The following SLAMF6 variants were observed in gnomAD, a reference collection of about 807,000 sequenced individuals.
The protein encoded by SLAMF6 is NK-T-B-antigen.
In SLAMF6, 21 loss-of-function variants were observed where a neutral mutation model predicts 38.3. The ratio of observed to expected loss-of-function variants is 0.55; its 90% CI spans 0.39 to 0.79. The LOEUF is 0.79. SLAMF6 is among the 30% of genes least tolerant of loss of function. The pLI is 0.00. For synonymous variants in SLAMF6, 152 were observed against 146.3 expected (o/e 1.04, Z -0.28); for missense variants, 341 against 385.3 (o/e 0.89, Z 0.96).
rs758643681 is a variant in SLAMF6 at position 160,523,178 on chromosome 1, G to C, written c.15C>G (p.Phe5Leu). The C allele has an allele frequency of 1.9e-6, 3 of 1,613,792 alleles. No individual in the cohort carries two copies. The highest frequency in any genetic ancestry group is 1.7e-5 in the Admixed American group (1 of 59,954). Residue 5 changes from phenylalanine (F) to leucine (L), a missense_variant, in exon 1 of 8, where the codon TTC becomes TTG. By Grantham distance (22) the Phe-to-Leu change is conservative. Coordinates refer to ENST00000368057, the MANE Select transcript of SLAMF6 (RefSeq NM_001184714.2). The part of the protein sequence containing the change: MLWL[F>L]QSLLFVFCFG... The stretch of plus-strand genomic sequence containing the variant: ...AGCAGAAGACAAACAGGAGCGATTG[G>C]AACAGCCACAACATGCTTTCCGCGG...
chr1:160,516,806 T>A (rs1571316921), intron 1 of SLAMF6, among the ~76,000 whole-genome samples: 1 of 152,174 alleles, frequency 6.6e-6, no homozygotes, highest in South Asian at 2.1e-4. Flanking sequence ...TGGCTATCCA[T>A]ATGCAGAAAA....
intron 1 of SLAMF6, among the ~76,000 whole-genome samples, chr1:160,496,991 A>G (rs904870134): frequency 6.6e-6 from 1 of 152,224 alleles, no homozygotes; most frequent in African/African-American, 2.4e-5. Context: ...ACTGAGCTAC[A>G]GAAAAGTTAA....
chr1:160,510,365 C>T (rs1654410300), intron 1 of SLAMF6, among the ~76,000 whole-genome samples: 1 of 151,898 alleles, frequency 6.6e-6, no homozygotes, highest in Non-Finnish European at 1.5e-5. Context: ...AAACTGAATC[C>T]AGCTCATATT....
Position 160,523,202 on chromosome 1 carries a change from G to T in SLAMF6, c.-10C>A, listed in dbSNP as rs753321327. 1 of 1,612,656 alleles carries T rather than the reference G, an allele frequency of 6.2e-7. No individual in the cohort carries two copies. Among genetic ancestry groups the T allele is most frequent in the African/African-American group, 1.3e-5 (1 of 74,806 alleles). ...GGAACAGCCACAACATGCTTTCCGCGGTGAAGACTGGTGCTTGAGACCTTG... is the reference window on the plus strand; with the variant it reads ...GGAACAGCCACAACATGCTTTCCGCTGTGAAGACTGGTGCTTGAGACCTTG... On this transcript the variant is annotated 5_prime_UTR_variant, in exon 1 of 8. Coordinates refer to ENST00000368057, the MANE Select transcript of SLAMF6 (RefSeq NM_001184714.2).
At chr1:160,507,136 A>G (rs1247991680) in intron 1 of SLAMF6, among the ~76,000 whole-genome samples, 1 of 152,148 alleles carries the variant, frequency 6.6e-6, no homozygotes, top group East Asian at 1.9e-4. Context: ...ACTATTTTCT[A>G]CATACAGAGA....
chr1:160,499,372 G>A (rs1461340799), intron 1 of SLAMF6, among the ~76,000 whole-genome samples: 2 of 151,972 alleles, frequency 1.3e-5, no homozygotes, highest in East Asian at 1.9e-4. Context: ...TGGTTGTAAG[G>A]GTGTGGCTTT....
intron 1 of SLAMF6, among the ~76,000 whole-genome samples, chr1:160,516,422 T>C (rs767110993): frequency 1.5e-4 from 23 of 152,196 alleles, no homozygotes; most frequent in Non-Finnish European, 3.1e-4. Flanking sequence ...AAAATGACCA[T>C]ACTGCCCGAA....
intron 1 of SLAMF6, among the ~76,000 whole-genome samples, chr1:160,518,807 TA>T (rs1230163672): frequency 6.6e-6 from 1 of 152,080 alleles, no homozygotes; most frequent in Non-Finnish European, 1.5e-5. Flanking sequence ...GAAAAATAGC[TA>T]ATGTATGCAG....
Position 160,496,099 on chromosome 1 carries a change from G to T in SLAMF6, c.344C>A (p.Thr115Asn). 1 of 1,613,896 alleles carries T rather than the reference G, an allele frequency of 6.2e-7. No individual in the cohort carries two copies. The highest frequency in any genetic ancestry group is 8.5e-7 in the Non-Finnish European group (1 of 1,179,880). The change falls in exon 2 of 8, where the codon ACC (threonine) becomes AAC (asparagine). Residue 115 changes from threonine to asparagine, a missense_variant. Transcript: ENST00000368057. The stretch of plus-strand genomic sequence containing the variant: ...AGTGTAACTGGACAGCTTTGCAGAG[G>T]TCTTTGTGGATATCTGGGCTCTGTA... Reference protein sequence around the residue: ...GSYRAQISTKTSAKLSSYTLR... With the variant: ...GSYRAQISTKNSAKLSSYTLR...
chr1:160,499,814 C>A (rs1364580140), intron 1 of SLAMF6, among the ~76,000 whole-genome samples: 1 of 152,150 alleles, frequency 6.6e-6, no homozygotes, highest in Admixed American at 6.6e-5. Flanking sequence ...CTCTCTCTTT[C>A]ATGAATTGTC....
At chr1:160,509,569 G>T (rs1347105943) in intron 1 of SLAMF6, among the ~76,000 whole-genome samples, 1 of 151,958 alleles carries the variant, frequency 6.6e-6, no homozygotes, top group Non-Finnish European at 1.5e-5. Context: ...CGAGTTGATG[G>T]GTGCAGCAAA....
At chr1:160,491,085 A>G in intron 3 of SLAMF6, 40 bp downstream of exon 3, 1 of 1,609,956 alleles carries the variant, frequency 6.2e-7, no homozygotes, top group Non-Finnish European at 8.5e-7. Flanking sequence ...GTTAAACCCC[A>G]TAGCTGCTCA....
At chr1:160,510,255 C>G (rs1654404001) in intron 1 of SLAMF6, among the ~76,000 whole-genome samples, 1 of 152,068 alleles carries the variant, frequency 6.6e-6, no homozygotes, top group African/African-American at 2.4e-5. Context: ...ACTAGGTCAG[C>G]ATTACCCTGA....
Position 160,496,227 on chromosome 1 carries a change from A to G in SLAMF6, c.216T>C (p.Ser72=). The G allele has an allele frequency of 1.2e-6, 2 of 1,613,818 alleles. No individual in the cohort carries two copies. The highest frequency in any genetic ancestry group is 1.7e-6 in the Non-Finnish European group (2 of 1,179,902). The part of the protein sequence containing the change: ...LAFIVPHETK[S]PEIHVTNPKQ... ...TCGGATTAGTCACGTGGATTTCTGG[A>G]CTTTTGGTTTCATGGGGTACTATGA... The change falls in exon 2 of 8, where the codon AGT becomes AGC. Residue 72 remains serine, a synonymous_variant. Transcript: ENST00000368057.
intron 1 of SLAMF6, among the ~76,000 whole-genome samples, chr1:160,500,859 G>A (rs78716230): frequency 6.6e-6 from 1 of 152,218 alleles, no homozygotes; most frequent in East Asian, 1.9e-4. Context: ...TTACTCAGTG[G>A]CCTAAGGACT....
In SLAMF6 at chr1:160,491,296, C is replaced by G. The variant is rs867229392; in HGVS notation, c.475G>C (p.Asp159His). The change falls in exon 3 of 8, where the codon GAT (aspartate) becomes CAT (histidine). Residue 159 changes from aspartate to histidine, a missense_variant. By Grantham distance (81) the Asp-to-His change is moderately conservative (BLOSUM62 -1). Coordinates refer to ENST00000368057, the MANE Select transcript of SLAMF6 (RefSeq NM_001184714.2). ...TCCCATCTGAATGAGACATTGTCAT[C>G]TGCATCCTCCACAGAGCAAGTCAGA... The part of the protein sequence containing the change: ...LHLTCSVEDA[D>H]DNVSFRWEAL... 1 of 1,613,964 alleles carries G rather than the reference C, an allele frequency of 6.2e-7. No homozygotes were observed. Among genetic ancestry groups the G allele is most frequent in the Non-Finnish European group, 8.5e-7 (1 of 1,179,994 alleles).
intron 2 of SLAMF6, among the ~76,000 whole-genome samples, chr1:160,493,280 T>C (rs1653401792): frequency 6.6e-6 from 1 of 152,184 alleles, no homozygotes; most frequent in Non-Finnish European, 1.5e-5. Flanking sequence ...GTCTTCCAGT[T>C]ATCTGCGTGG....
intron 1 of SLAMF6, among the ~76,000 whole-genome samples, chr1:160,522,505 T>C (rs1380627169): frequency 2.0e-5 from 3 of 152,170 alleles, no homozygotes; most frequent in Admixed American, 1.3e-4. Flanking sequence ...ATCTTCTCCA[T>C]ATAATGGACA....
intron 1 of SLAMF6, among the ~76,000 whole-genome samples, chr1:160,507,782 TAATC>T (rs2102051428): frequency 6.6e-6 from 1 of 152,120 alleles, no homozygotes; most frequent in Admixed American, 6.5e-5. Flanking sequence ...TAGTGTAAAA[TAATC>T]AATGGATCAA....
Sources: gnomAD v4.1 joint callset for allele counts (sites outside exome capture counted in the v4.1 genomes callset) on GRCh38, gnomAD v4.1.1 for gene constraint, MANE v1.5 for transcripts, NCBI Gene and HGNC (gene_info 2026-07-23, HGNC 2026-07-21) for gene names.